Variants in POLR2F observed in about 807,000 individuals in gnomAD.
The protein encoded by POLR2F is DNA-directed RNA polymerases I, II, and III subunit RPABC2.
In POLR2F, 12 loss-of-function variants were observed where a neutral mutation model predicts 22.7. The ratio of observed to expected loss-of-function variants is 0.53; its 90% CI spans 0.34 to 0.86. The LOEUF is 0.86. POLR2F is among the 40% of genes least tolerant of loss of function. POLR2F has a pLI of 0.02. For synonymous variants in POLR2F, 57 were observed against 66.0 expected (o/e 0.86, Z 0.66); for missense variants, 126 against 171.5 (o/e 0.73, Z 1.48).
intron 1 of POLR2F, among the ~76,000 whole-genome samples, chr22:38,009,753 G>T (rs988559773): frequency 6.6e-6 from 1 of 151,852 alleles, no homozygotes; most frequent in African/African-American, 2.4e-5. Flanking sequence ...TTATCTAAAT[G>T]GAATCATACA....
intron 1 of POLR2F, among the ~76,000 whole-genome samples, chr22:38,024,786 T>G (rs982099295): frequency 3.9e-4 from 59 of 151,996 alleles, no homozygotes; most frequent in African/African-American, 1.3e-3. Flanking sequence ...GGGAGAGGAC[T>G]GGGCAGAGTG....
chr22:37,990,014 T>C (rs545903369), intron 1 of POLR2F, among the ~76,000 whole-genome samples: 3 of 152,302 alleles, frequency 2.0e-5, no homozygotes, highest in African/African-American at 7.2e-5. Flanking sequence ...CCTTCAGATG[T>C]GCTCTGCCTC....
At chr22:38,007,246 C>T (rs909101778) in intron 1 of POLR2F, among the ~76,000 whole-genome samples, 4 of 152,174 alleles carry the variant, frequency 2.6e-5, no homozygotes, top group African/African-American at 9.7e-5. Flanking sequence ...CACTAGGTCT[C>T]CTGATAGCAG....
At chr22:38,005,474 CA>C (rs1160395011) in intron 1 of POLR2F, among the ~76,000 whole-genome samples, 2 of 152,180 alleles carry the variant, frequency 1.3e-5, no homozygotes, top group Admixed American at 6.5e-5. Flanking sequence ...GATTTCAGCT[CA>C]GGGGTGATGG....
rs895071176 is a variant in POLR2F, at chr22:38,006,489, G to A, written c.121-19380G>A. Among the ~76,000 whole-genome samples the A allele has an allele frequency of 4.6e-5, 7 of 152,196 alleles. No individual in the cohort carries two copies. In the East Asian group the frequency reaches 5.8e-4, roughly 13 times the overall value. On this transcript the variant is annotated intron_variant, in intron 1 of 2. Coordinates refer to the POLR2F transcript ENST00000333418. ...GCACATACTGTGTGCCAGGCCAGGC[G>A]CCGAGGCACATGTTGGGAAGACAGA...
intron 1 of POLR2F, among the ~76,000 whole-genome samples, chr22:38,020,276 A>T (rs991878312): frequency 2.8e-4 from 42 of 150,806 alleles, no homozygotes; most frequent in African/African-American, 6.9e-4. Context: ...TTTAAAAAAA[A>T]TTTTTTTAGA....
At chr22:38,002,274 A>G (rs1278264726) in intron 1 of POLR2F, among the ~76,000 whole-genome samples, 1 of 152,196 alleles carries the variant, frequency 6.6e-6, no homozygotes. Flanking sequence ...AAAGTATACA[A>G]AAATAGCAAC....
Position 37,980,816 on chromosome 22 carries a change from G to A in POLR2F, c.293+13646G>A, listed in dbSNP as rs1444480597. Among the ~76,000 whole-genome samples the A allele has an allele frequency of 6.6e-6, 1 of 152,204 alleles. No homozygotes were observed. The highest frequency in any genetic ancestry group is 1.5e-5 in the Non-Finnish European group (1 of 68,046). ...CCCCAACCGGGGACCTCCCACAGTG[G>A]GGCACTGATTGCTGCTACCTGTGTC... On this transcript the variant is annotated intron_variant, in intron 4 of 4. Transcript: ENST00000405557. This position sits in a 1 kb window ranked among gnomAD's most constrained non-coding sequence, Gnocchi z 4.1.
downstream of POLR2F, among the ~76,000 whole-genome samples, chr22:38,029,478 C>T (rs1416789056): frequency 6.6e-6 from 1 of 152,128 alleles, no homozygotes; most frequent in African/African-American, 2.4e-5. Context: ...GCCATGAGTG[C>T]AATGATCAGT....
At chr22:38,041,323 C>T, downstream of POLR2F, 1 of 616,226 alleles carries the variant, frequency 1.6e-6, no homozygotes, top group Non-Finnish European at 2.8e-6. Context: ...AAGGTCATTC[C>T]ATCTCCTGAG....
downstream of POLR2F, chr22:38,041,281 C>A (rs2085169867): frequency 6.6e-6 from 6 of 903,588 alleles, no homozygotes; most frequent in Non-Finnish European, 1.0e-5. Flanking sequence ...TTCCAGGACA[C>A]CCCTCAGTTT....
upstream of POLR2F, among the ~76,000 whole-genome samples, chr22:37,982,830 G>A (rs991379575): frequency 7.2e-5 from 11 of 152,110 alleles, no homozygotes; most frequent in South Asian, 1.0e-3. Flanking sequence ...ATGAGGTCCC[G>A]CAGCAGCAGA....
chr22:38,028,716 G>T (rs147688245), downstream of POLR2F, among the ~76,000 whole-genome samples: 3 of 152,138 alleles, frequency 2.0e-5, no homozygotes, highest in African/African-American at 7.2e-5. Context: ...GGGGAGGAAG[G>T]GGCAGCAGCA....
chr22:38,031,283 T>C (rs1326982659), downstream of POLR2F, among the ~76,000 whole-genome samples: 1 of 152,022 alleles, frequency 6.6e-6, no homozygotes, highest in Non-Finnish European at 1.5e-5. This position sits in a 1 kb window ranked among gnomAD's most constrained non-coding sequence, Gnocchi z 4.1. Flanking sequence ...TGCAGGATGG[T>C]TGCAAGGATT....
chr22:37,961,753 TTCC>T (rs1301531256), intron 3 of POLR2F, among the ~76,000 whole-genome samples: 3 of 152,148 alleles, frequency 2.0e-5, no homozygotes, highest in Non-Finnish European at 2.9e-5. Flanking sequence ...GTCAGAATAG[TTCC>T]TCCTCCTTTC....
At chr22:37,996,697 G>A (rs954191843) in intron 1 of POLR2F, among the ~76,000 whole-genome samples, 12 of 152,190 alleles carry the variant, frequency 7.9e-5, no homozygotes, top group Non-Finnish European at 1.8e-4. Flanking sequence ...GGCTCTGTCA[G>A]TAATTGCTGT....
In POLR2F at chr22:37,956,717, C is replaced by G. The variant is rs1931416075; in HGVS notation, c.21-56C>G. The G allele has an allele frequency of 5.1e-6, 7 of 1,384,224 alleles. No homozygotes were observed. In the South Asian group the frequency reaches 8.1e-5, roughly 16 times the overall value. 85.7% of individuals were successfully genotyped at this position (1,384,224 alleles called of 1,614,324 possible). On this transcript the variant is annotated intron_variant, in intron 1 of 4. Coordinates refer to ENST00000442738, the MANE Select transcript of POLR2F (RefSeq NM_021974.5). ...CAAGTGTGATCCACCGTGCCTGGCC[C>G]CTCTTTGATTCTTTTAAGTGATGCT...
exon 3 of POLR2F, chr22:38,026,545 C>T (rs1569183864): frequency 1.2e-5 from 4 of 342,562 alleles, no homozygotes; most frequent in Non-Finnish European, 2.3e-5. Context: ...CCTCTTTCCC[C>T]ACCGCCTCTC....
At chr22:37,954,453 C>T (rs1931278562) in intron 1 of POLR2F, among the ~76,000 whole-genome samples, 1 of 152,162 alleles carries the variant, frequency 6.6e-6, no homozygotes. Flanking sequence ...TGGGCGTGCA[C>T]CACCACGCCT....
Sources: allele counts gnomAD v4.1 joint callset (sites outside exome capture counted in the v4.1 genomes callset), GRCh38; gene constraint gnomAD v4.1.1; non-coding constraint Gnocchi (gnomAD v3.1); transcripts MANE v1.5; gene names NCBI Gene and HGNC (gene_info 2026-07-23, HGNC 2026-07-21).